PAK5: variants seen among roughly 807,000 people sequenced by gnomAD.
PAK5 encodes the protein p21 (RAC1) activated kinase 5.
In PAK5, 16 loss-of-function variants were observed where a neutral mutation model predicts 65.9. The observed-to-expected ratio is 0.24, with a 90% CI of 0.16 to 0.37. The LOEUF is 0.37. Ranked by LOEUF, PAK5 falls within the 10% of genes least tolerant of loss-of-function variation. The pLI is 1.00. For missense variants in PAK5, 785 were observed against 903.9 expected, an observed-to-expected ratio of 0.87 and a Z score of 1.69; for synonymous variants, 371 against 354.9, an observed-to-expected ratio of 1.05 and a Z score of -0.51.
At chr20:9,608,981 G>C (rs1180750716) in intron 3 of PAK5, among the ~76,000 whole-genome samples, 1 of 152,218 alleles carries the variant, frequency 6.6e-6, no homozygotes, top group Non-Finnish European at 1.5e-5. Context: ...CGTATCTGCA[G>C]ATTTCGTGAA....
chr20:9,711,000 C>T (rs1301547368), intron 2 of PAK5, among the ~76,000 whole-genome samples: 1 of 152,138 alleles, frequency 6.6e-6, no homozygotes. Context: ...CTAAAGTAGT[C>T]CCTCATCCCT....
chr20:9,670,631 T>C (rs375643593), intron 2 of PAK5, among the ~76,000 whole-genome samples: 7,742 of 152,324 alleles, frequency 0.051, 221 homozygotes, highest in South Asian at 0.083. Flanking sequence ...TTTGATTTTC[T>C]CTTGTAAATT....
At chr20:9,694,144 A>G (rs1039096225) in intron 2 of PAK5, among the ~76,000 whole-genome samples, 1 of 152,110 alleles carries the variant, frequency 6.6e-6, no homozygotes, top group African/African-American at 2.4e-5. Context: ...TCCAATGAGG[A>G]ATTTAAGATA....
chr20:9,827,057 T>C (rs1221984991), intron 1 of PAK5, among the ~76,000 whole-genome samples: 1 of 152,098 alleles, frequency 6.6e-6, no homozygotes, highest in Non-Finnish European at 1.5e-5. Flanking sequence ...TTTTTTTCTT[T>C]CTCCAACCAG....
intron 1 of PAK5, among the ~76,000 whole-genome samples, chr20:9,783,100 C>T (rs1368709632): frequency 6.6e-6 from 1 of 151,788 alleles, no homozygotes; most frequent in Non-Finnish European, 1.5e-5. Flanking sequence ...CCATAATCGG[C>T]TAATTTTGTA....
chr20:9,691,466 C>A (rs1050328713), intron 2 of PAK5, among the ~76,000 whole-genome samples: 1 of 152,154 alleles, frequency 6.6e-6, no homozygotes, highest in Non-Finnish European at 1.5e-5. Flanking sequence ...CATTTTTCAA[C>A]CACCATCCAG....
At chr20:9,589,661 A>AT (rs2046131406) in intron 3 of PAK5, among the ~76,000 whole-genome samples, 1 of 151,978 alleles carries the variant, frequency 6.6e-6, no homozygotes, top group Non-Finnish European at 1.5e-5. Flanking sequence ...CAAAAAGCCA[A>AT]TTTCTGTTTT....
chr20:9,563,147 A>G, intron 5 of PAK5, 123 bp from the exon 6 acceptor site: 1 of 878,444 alleles, frequency 1.1e-6, no homozygotes, highest in Non-Finnish European at 1.8e-6. Flanking sequence ...AAGTTTATTC[A>G]GAAAATCTAT....
At chr20:9,748,691 A>C (rs1025910962) in intron 1 of PAK5, among the ~76,000 whole-genome samples, 14 of 152,148 alleles carry the variant, frequency 9.2e-5, no homozygotes, top group Non-Finnish European at 1.3e-4. Flanking sequence ...ACACCCACAT[A>C]ACAACTCAGA....
At chr20:9,744,993 T>C (rs2048490194) in intron 1 of PAK5, among the ~76,000 whole-genome samples, 1 of 152,032 alleles carries the variant, frequency 6.6e-6, no homozygotes, top group Non-Finnish European at 1.5e-5. Flanking sequence ...AGAATGGGGA[T>C]AGAGAGAGGA....
chr20:9,628,318 T>A (rs942739835), intron 3 of PAK5, among the ~76,000 whole-genome samples: 3 of 152,194 alleles, frequency 2.0e-5, no homozygotes, highest in Non-Finnish European at 2.9e-5. Context: ...AAGATTTTTT[T>A]ATTTATCTTG....
intron 1 of PAK5, among the ~76,000 whole-genome samples, chr20:9,758,322 C>A (rs552571460): frequency 1.3e-5 from 2 of 152,110 alleles, no homozygotes; most frequent in Non-Finnish European, 2.9e-5. Context: ...CTCCCCAACA[C>A]ATGTGGCCAA....
At chr20:9,644,934 A>C (rs1246836537) in intron 2 of PAK5, among the ~76,000 whole-genome samples, 1 of 152,244 alleles carries the variant, frequency 6.6e-6, no homozygotes, top group Non-Finnish European at 1.5e-5. Context: ...CACAGGGAGA[A>C]ACATTTCAAA....
At chr20:9,561,709 G>T (rs2045593379) in intron 6 of PAK5, among the ~76,000 whole-genome samples, 1 of 152,136 alleles carries the variant, frequency 6.6e-6, no homozygotes, top group Non-Finnish European at 1.5e-5. Flanking sequence ...ATCCACTTTT[G>T]ATTCAGGTAC....
At chr20:9,772,285 G>A (rs1179651110) in intron 1 of PAK5, among the ~76,000 whole-genome samples, 2 of 152,190 alleles carry the variant, frequency 1.3e-5, no homozygotes, top group Non-Finnish European at 2.9e-5. Context: ...GCTGGGGGAG[G>A]TATAATTGGA....
chr20:9,781,299 A>G (rs2123698394), intron 1 of PAK5, among the ~76,000 whole-genome samples: 1 of 152,306 alleles, frequency 6.6e-6, no homozygotes, highest in East Asian at 1.9e-4. Flanking sequence ...AGGTATAAAG[A>G]AATGGAGAAA....
At chr20:9,608,089 C>A (rs2046488286) in intron 3 of PAK5, among the ~76,000 whole-genome samples, 1 of 152,174 alleles carries the variant, frequency 6.6e-6, no homozygotes, top group Non-Finnish European at 1.5e-5. Context: ...TGTATGGGGT[C>A]TCTTTGACAG....
intron 3 of PAK5, among the ~76,000 whole-genome samples, chr20:9,626,076 G>A (rs2046839999): frequency 6.6e-6 from 1 of 151,996 alleles, no homozygotes; most frequent in South Asian, 2.1e-4. Flanking sequence ...TCAAAGACTC[G>A]ACCTTTACAT....
chr20:9,774,903 C>T (rs6056862), intron 1 of PAK5, among the ~76,000 whole-genome samples: 56,433 of 151,944 alleles, frequency 0.37, 11,172 homozygotes, highest in African/African-American at 0.52. Context: ...TTGCAGTGAG[C>T]CAAGATGGCG....
Sources: gnomAD v4.1 joint callset for allele counts (sites outside exome capture counted in the v4.1 genomes callset) on GRCh38, gnomAD v4.1.1 for gene constraint, MANE v1.5 for transcripts, NCBI Gene and HGNC (gene_info 2026-07-23, HGNC 2026-07-21) for gene names.